Variants in SNW1 observed in about 807,000 individuals in gnomAD.
SNW1 encodes the protein SNW domain-containing protein 1.
SNW1 carries 9 observed loss-of-function variants against 75.6 expected under a neutral mutation model. The ratio of observed to expected loss-of-function variants is 0.12; its 90% CI spans 0.07 to 0.21. The LOEUF (loss-of-function observed/expected upper bound fraction) is 0.21, where lower values mean the gene tolerates loss of function less well. Among genes scored for constraint, SNW1 ranks in the 10% least tolerant of loss-of-function variants. SNW1 has a pLI of 1.00. For missense variants in SNW1, 409 were observed against 670.9 expected (o/e 0.61, Z 4.31); for synonymous variants, 200 against 219.1 (o/e 0.91, Z 0.77).
intron 1 of SNW1, among the ~76,000 whole-genome samples, chr14:77,759,228 A>C (rs2080866376): frequency 6.6e-6 from 1 of 152,214 alleles, no homozygotes; most frequent in South Asian, 2.1e-4. Context: ...ATGACAGGCC[A>C]GATGATGTGG....
At chr14:77,740,310 T>G (rs997945085) in intron 3 of SNW1, among the ~76,000 whole-genome samples, 7 of 152,134 alleles carry the variant, frequency 4.6e-5, no homozygotes, top group Non-Finnish European at 7.3e-5. Flanking sequence ...AATTTTTTTT[T>G]GTAGAACTGT....
chr14:77,751,186 T>C (rs1227054235), intron 3 of SNW1, 133 bp downstream of exon 3: 4 of 853,300 alleles, frequency 4.7e-6, no homozygotes, highest in South Asian at 1.8e-5. Flanking sequence ...TAGCTGGGAA[T>C]ATAGGTACGA....
In SNW1 at chr14:77,721,108, C is replaced by A. The variant is rs4903633; in HGVS notation, c.1131-280G>T. ...TTTAATATAAGCAATCACCTTACAACCATGCTGAGATATAAAATTGCTATG... is the reference window on the plus strand; with the variant it reads ...TTTAATATAAGCAATCACCTTACAAACATGCTGAGATATAAAATTGCTATG... On this transcript the variant is annotated intron_variant, in intron 11 of 13. Coordinates refer to ENST00000261531, the MANE Select transcript of SNW1 (RefSeq NM_012245.3). The A allele has an allele frequency of 0.076, 26,428 of 346,206 alleles. 1,195 individuals are homozygous for A. Among genetic ancestry groups the A allele is most frequent in the Non-Finnish European group, 0.099 (18,707 of 188,366 alleles). 21.4% of individuals were successfully genotyped at this position (346,206 alleles called of 1,614,324 possible).
At chr14:77,736,705 C>T (rs1287571837) in intron 6 of SNW1, among the ~76,000 whole-genome samples, 1 of 152,108 alleles carries the variant, frequency 6.6e-6, no homozygotes, top group Non-Finnish European at 1.5e-5. Context: ...AGATAGTGAA[C>T]ATGTCTATCA....
At position 77,717,742 on chromosome 14, in the gene SNW1, G is replaced by A; in HGVS notation, c.*346C>T. 1 of 623,552 alleles carries A rather than the reference G, an allele frequency of 1.6e-6. No individual in the cohort carries two copies. Among genetic ancestry groups the A allele is most frequent in the Non-Finnish European group, 2.8e-6 (1 of 357,654 alleles). The allele number at this position is 623,552 out of a possible 1,614,324, so 38.6% of individuals were successfully genotyped here. A position where few individuals can be genotyped will look rare whatever the true frequency, so the allele number is the denominator to read the frequency against. On this transcript the variant is annotated 3_prime_UTR_variant, in exon 14 of 14. Transcript: ENST00000261531. ...GTATGTGAACATCTTCCTCCTCACT[G>A]TGGTTGGGGTAACTTTACTCATATG...
At chr14:77,731,283 A>G (rs1241018456) in intron 9 of SNW1, among the ~76,000 whole-genome samples, 154 bp from the exon 10 acceptor site, 4 of 152,248 alleles carry the variant, frequency 2.6e-5, no homozygotes, top group Non-Finnish European at 4.4e-5. Context: ...CCACTAAAAG[A>G]TATCCTGCCT....
At chr14:77,750,369 G>T (rs897439104) in intron 3 of SNW1, among the ~76,000 whole-genome samples, 1 of 152,192 alleles carries the variant, frequency 6.6e-6, no homozygotes, top group Non-Finnish European at 1.5e-5. Context: ...GGAGTCACCT[G>T]CTAAGGATGA....
At chr14:77,735,095 A>G (rs1169376066) in intron 7 of SNW1, 83 bp from the exon 8 acceptor site, 3 of 964,762 alleles carry the variant, frequency 3.1e-6, no homozygotes, top group East Asian at 4.8e-5. Context: ...CTTCAAAGAC[A>G]GCTCCATATA....
At chr14:77,723,328 C>G in intron 10 of SNW1, 51 bp from the exon 11 acceptor site, 1 of 1,297,020 alleles carries the variant, frequency 7.7e-7, no homozygotes, top group East Asian at 2.3e-5. Context: ...TATATGTGTG[C>G]ATACGTGTAC....
At chr14:77,750,560 C>T (rs775622907) in intron 3 of SNW1, among the ~76,000 whole-genome samples, 79 of 151,906 alleles carry the variant, frequency 5.2e-4, no homozygotes, top group Admixed American at 1.9e-3. Context: ...AAAAGTTTGG[C>T]GGGGAGAGAG....
intron 1 of SNW1, chr14:77,760,809 C>A: frequency 1.4e-6 from 1 of 715,824 alleles, no homozygotes; most frequent in South Asian, 1.5e-5. Context: ...AGCCGCGGAC[C>A]TGAGGGAGCG....
chr14:77,717,917 A>C lies in SNW1; in HGVS notation c.*171T>G. The C allele has an allele frequency of 1.7e-6, 1 of 605,076 alleles. No homozygotes were observed. Among genetic ancestry groups the C allele is most frequent in the Non-Finnish European group, 2.8e-6 (1 of 358,434 alleles). 37.5% of individuals were successfully genotyped at this position (605,076 alleles called of 1,614,324 possible). ...ACCCACTCTTTAAAAAAAACTAAAT[A>C]ATTCAAAGTAGAATTTTCTATCCCC... On this transcript the variant is annotated 3_prime_UTR_variant, in exon 14 of 14. Transcript: ENST00000261531.
rs376210522 is a variant in SNW1 at position 77,737,089 on chromosome 14, A to G, written c.534-14T>C. 3 of 1,585,956 alleles carry G rather than the reference A, an allele frequency of 1.9e-6. No homozygotes were observed. The highest frequency in any genetic ancestry group is 1.3e-5 in the African/African-American group (1 of 74,370). On this transcript the variant is annotated splice_polypyrimidine_tract_variant and intron_variant, in intron 5 of 13. Transcript: ENST00000261531. ...GATGGTGTGTATCTGAAGAAAGCAG[A>G]TAAAAACTAAAGGTGTAATTAGTTC...
intron 3 of SNW1, among the ~76,000 whole-genome samples, chr14:77,747,970 AG>A (rs1462074117): frequency 6.6e-6 from 1 of 152,156 alleles, no homozygotes; most frequent in Non-Finnish European, 1.5e-5. Flanking sequence ...TCGAATGGAG[AG>A]GGGGGAAATG....
At chr14:77,747,733 C>A (rs1038327225) in intron 3 of SNW1, among the ~76,000 whole-genome samples, 2 of 147,238 alleles carry the variant, frequency 1.4e-5, no homozygotes, top group Middle Eastern at 3.2e-3. Flanking sequence ...CCGGCAGCCG[C>A]CCCGTCTGGG....
intron 11 of SNW1, among the ~76,000 whole-genome samples, chr14:77,721,750 A>AT (rs967290634): frequency 6.6e-5 from 10 of 151,508 alleles, no homozygotes; most frequent in Non-Finnish European, 1.3e-4. Flanking sequence ...TTATTTTTTT[A>AT]TTTTTTATTT....
chr14:77,740,070 C>T (rs1262208646), intron 3 of SNW1, among the ~76,000 whole-genome samples: 1 of 143,416 alleles, frequency 7.0e-6, no homozygotes, highest in African/African-American at 2.6e-5. Context: ...GGAGGAAGAG[C>T]TTGCAGTAAG....
At chr14:77,734,511 C>T (rs1033234267) in intron 8 of SNW1, among the ~76,000 whole-genome samples, 5 of 152,236 alleles carry the variant, frequency 3.3e-5, no homozygotes, top group East Asian at 1.9e-4. Flanking sequence ...TGGCCGAGGC[C>T]GGCGGATCAC....
intron 5 of SNW1, among the ~76,000 whole-genome samples, chr14:77,738,572 T>C (rs763843341): frequency 7.9e-5 from 12 of 152,202 alleles, no homozygotes; most frequent in Non-Finnish European, 1.8e-4. Flanking sequence ...ACAGAAACTT[T>C]ATCTCAGAAA....
Sources: gnomAD v4.1 joint callset for allele counts (sites outside exome capture counted in the v4.1 genomes callset) on GRCh38, gnomAD v4.1.1 for gene constraint, MANE v1.5 for transcripts, NCBI Gene and HGNC (gene_info 2026-07-23, HGNC 2026-07-21) for gene names.